The following CARD14 variants were observed in gnomAD, a reference collection of about 807,000 sequenced individuals.
CARD14 encodes caspase recruitment domain-containing protein 14.
CARD14 carries 107 observed loss-of-function variants against 111.5 expected under a neutral mutation model. That is an observed-to-expected ratio of 0.96 (90% confidence interval 0.82 to 1.13). The LOEUF is 1.13. Among genes scored for constraint, CARD14 ranks in the 50% most tolerant of loss-of-function variants. CARD14 has a pLI of 0.00. For missense variants in CARD14, 1,322 were observed against 1,362.3 expected, an observed-to-expected ratio of 0.97 and a Z score of 0.47; for synonymous variants, 617 against 579.6, an observed-to-expected ratio of 1.06 and a Z score of -0.93.
At position 80,195,366 on chromosome 17, in the gene CARD14, T is replaced by A; in HGVS notation, c.1499+33T>A. On this transcript the variant is annotated intron_variant, in intron 13 of 23. Transcript: ENST00000648509. The surrounding 1 kb of genome is among the most constrained non-coding windows in gnomAD (Gnocchi z 4.7). ...ACTGGGGTCCTTCCTGGCACTGGGG[T>A]GGCACTGGGGTCCTTCCTGGCAACT... The A allele has an allele frequency of 6.3e-7, 1 of 1,590,048 alleles. No individual in the cohort carries two copies. The highest frequency in any genetic ancestry group is 1.1e-5 in the South Asian group (1 of 89,178).
At chr17:80,190,046 T>C (rs1237153581) in intron 9 of CARD14, among the ~76,000 whole-genome samples, 174 bp downstream of exon 9, 1 of 152,072 alleles carries the variant, frequency 6.6e-6, no homozygotes, top group African/African-American at 2.4e-5. Flanking sequence ...AAGCACCGAC[T>C]CGCACCCCAC....
In CARD14 at chr17:80,190,754, A is replaced by T. The variant is rs780858822; in HGVS notation, c.964-20A>T. The T allele has an allele frequency of 1.9e-6, 3 of 1,613,594 alleles. No individual in the cohort carries two copies. Among genetic ancestry groups the T allele is most frequent in the Non-Finnish European group, 1.7e-6 (2 of 1,179,808 alleles). Reference sequence around the variant, plus strand: ...TCAGAGCTGCTGAGCTTCACGGTCCATGTGTCCCACTCTGTCCAGTACTGG... The same window carrying T: ...TCAGAGCTGCTGAGCTTCACGGTCCTTGTGTCCCACTCTGTCCAGTACTGG... On this transcript the variant is annotated intron_variant, in intron 9 of 23. Transcript: ENST00000648509.
rs143034084 is a variant in CARD14, at chr17:80,170,999, C to T, written c.-690+943C>T. ...GGGACTATAGGTGCACGCCACCACACCTGGTTAATTTTTTTATTTTTAGTA... is the reference window on the plus strand; with the variant it reads ...GGGACTATAGGTGCACGCCACCACATCTGGTTAATTTTTTTATTTTTAGTA... On this transcript the variant is annotated intron_variant, in intron 1 of 23. Transcript: ENST00000648509. 6.0e-3 allele frequency among the ~76,000 whole-genome samples: 909 copies of T among 151,222 alleles called. 9 individuals carry two copies. The highest frequency in any genetic ancestry group is 6.6e-3 in the Non-Finnish European group (445 of 67,600).
rs1460911175 is a variant in CARD14, at chr17:80,184,076, C to T, written c.513C>T (p.His171=). Residue 171 remains histidine (H), a synonymous_variant, in exon 7 of 24, where the codon CAC becomes CAT. Transcript: ENST00000648509. The part of the protein sequence containing the change: ...GLAETRAEGL[H]QLEADHSRMK... ...CCGAGACCCGTGCCGAGGGCCTGCA[C>T]CAGCTGGAGGCTGACCACAGCCGCA... The T allele has an allele frequency of 6.3e-7, 1 of 1,585,532 alleles. No individual in the cohort carries two copies. The highest frequency in any genetic ancestry group is 1.1e-5 in the South Asian group (1 of 86,964).
At position 80,198,942 on chromosome 17, in the gene CARD14, TTTC is replaced by T. The variant is rs1311636163; in HGVS notation, c.1851+354_1851+356del. On this transcript the variant is annotated intron_variant, in intron 16 of 23. Coordinates refer to ENST00000648509, the MANE Select transcript of CARD14 (RefSeq NM_001366385.1). This position sits in a 1 kb window ranked among gnomAD's most constrained non-coding sequence, Gnocchi z 7.5. ...TTTAACCACTGGGGCATTTCTTTTC[TTTC>T]TTTTTTTTTGTTTGTTGTTTTGAAA... The T allele has an allele frequency of 3.5e-6, 4 of 1,138,626 alleles. No individual in the cohort carries two copies. The highest frequency in any genetic ancestry group is 1.6e-5 in the African/African-American group (1 of 61,682). The allele number at this position is 1,138,626 out of a possible 1,614,324, so 70.5% of individuals were successfully genotyped here. A position where few individuals can be genotyped will look rare whatever the true frequency, so the allele number is the denominator to read the frequency against.
In CARD14 at chr17:80,189,815, G is replaced by A. The variant is rs2040461110; in HGVS notation, c.906G>A (p.Val302=). Residue 302 remains valine, a synonymous_variant, in exon 9 of 24, where the codon GTG becomes GTA. Transcript: ENST00000648509. The surrounding 1 kb of genome is among the most constrained non-coding windows in gnomAD (Gnocchi z 4.7). The part of the protein sequence containing the change: ...DEARGSRQEL[V]ERIHSLRERA... ...CGCGGGGGAGCCGACAGGAGCTGGT[G>A]GAGCGCATCCACTCGCTGCGGGAGC... 5 of 1,585,366 alleles carry A rather than the reference G, an allele frequency of 3.2e-6. No individual in the cohort carries two copies. Among genetic ancestry groups the A allele is most frequent in the Non-Finnish European group, 4.3e-6 (5 of 1,170,580 alleles).
rs1313115913 is a variant in CARD14, at chr17:80,205,590, G to A, written c.2629G>A (p.Gly877Arg). The change falls in exon 22 of 24, where the codon GGA becomes AGA. Residue 877 changes from glycine to arginine, a missense_variant. Transcript: ENST00000648509. ...WSQRGDIIQE[G>R]EVSGGRCWVT... ...CCAGAGAGGGGACATCATCCAGGAG[G>A]GAGAGGTGTCCGGGGGCCGCTGCTG... is the stretch of plus-strand genomic sequence containing the variant. 1.9e-6 allele frequency: 3 copies of A among 1,575,518 alleles called. No homozygotes were observed. The highest frequency in any genetic ancestry group is 1.3e-5 in the African/African-American group (1 of 74,314).
Position 80,188,657 on chromosome 17 carries a change from G to A in CARD14, c.843+113G>A. Reference sequence around the variant, plus strand: ...TAAGGTGAGGCTAAGAACAAGAGATGAAATTTAGTGACTCATCTCACCCAC... The same window carrying A: ...TAAGGTGAGGCTAAGAACAAGAGATAAAATTTAGTGACTCATCTCACCCAC... On this transcript the variant is annotated intron_variant, in intron 8 of 23. Transcript: ENST00000648509. This position sits in a 1 kb window ranked among gnomAD's most constrained non-coding sequence, Gnocchi z 4.5. 3 of 1,105,442 alleles carry A rather than the reference G, an allele frequency of 2.7e-6. No homozygotes were observed. In the African/African-American group the frequency reaches 4.9e-5, roughly 18 times the overall value. 68.5% of individuals were successfully genotyped at this position (1,105,442 alleles called of 1,614,324 possible).
At position 80,188,172 on chromosome 17, in the gene CARD14, C is replaced by A; in HGVS notation, c.676-205C>A. 1.9e-6 allele frequency: 1 copy of A among 534,010 alleles called. No homozygotes were observed. Among genetic ancestry groups the A allele is most frequent in the Non-Finnish European group, 2.9e-6 (1 of 342,508 alleles). 33.1% of individuals were successfully genotyped at this position (534,010 alleles called of 1,614,324 possible). On this transcript the variant is annotated intron_variant, in intron 7 of 23. Transcript: ENST00000648509. The surrounding 1 kb of genome is among the most constrained non-coding windows in gnomAD (Gnocchi z 4.5). ...GCGGTGCCTCATCTATAAGACAGAGCTGAAAGGCCTCTGTCCTCCCAGCCC... is the reference window on the plus strand; with the variant it reads ...GCGGTGCCTCATCTATAAGACAGAGATGAAAGGCCTCTGTCCTCCCAGCCC...
Position 80,201,657 on chromosome 17 carries a change from T to C in CARD14, c.1852-87T>C. ...TCCTACGGCAGGGCTGGCCCGCGCC[T>C]CGCCTCAGTGCCCTCAGCGCCTTCT... On this transcript the variant is annotated intron_variant, in intron 16 of 23. Coordinates refer to ENST00000648509, the MANE Select transcript of CARD14 (RefSeq NM_001366385.1). The surrounding 1 kb of genome is among the most constrained non-coding windows in gnomAD (Gnocchi z 5.0). 2 of 1,464,828 alleles carry C rather than the reference T, an allele frequency of 1.4e-6. No homozygotes were observed. The highest frequency in any genetic ancestry group is 2.3e-5 in the East Asian group (1 of 44,138). 90.7% of individuals were successfully genotyped at this position (1,464,828 alleles called of 1,614,324 possible).
Position 80,189,864 on chromosome 17 carries a change from C to A in CARD14, c.955C>A (p.Arg319=). 1 of 1,593,596 alleles carries A rather than the reference C, an allele frequency of 6.3e-7. No individual in the cohort carries two copies. Among genetic ancestry groups the A allele is most frequent in the East Asian group, 2.4e-5 (1 of 42,546 alleles). The change falls in exon 9 of 24, where the codon CGA becomes AGA. Residue 319 remains arginine (R), a synonymous_variant. Coordinates refer to ENST00000648509, the MANE Select transcript of CARD14 (RefSeq NM_001366385.1). The surrounding 1 kb of genome is among the most constrained non-coding windows in gnomAD (Gnocchi z 4.7). ...GCGGGCCGTGGCTGCCGAGAGGCAG[C>A]GAGAGCAGGTGCCGTGTGAGCCCTT... The part of the protein sequence containing the change: ...RERAVAAERQ[R]EQYWEEKEQT...
rs1235934536 is a variant in CARD14 at position 80,201,892 on chromosome 17, T to C, written c.1978+22T>C. ...GACGGTACACATACCACTCCTCTCG[T>C]GTGCACAGCTGCCTGGCCAGACTCC... On this transcript the variant is annotated intron_variant, in intron 17 of 23. Transcript: ENST00000648509. The surrounding 1 kb of genome is among the most constrained non-coding windows in gnomAD (Gnocchi z 5.0). 2 of 1,592,208 alleles carry C rather than the reference T, an allele frequency of 1.3e-6. No individual in the cohort carries two copies. Among genetic ancestry groups the C allele is most frequent in the Non-Finnish European group, 1.7e-6 (2 of 1,167,394 alleles).
intron 2 of CARD14, among the ~76,000 whole-genome samples, chr17:80,178,261 A>G (rs1210761481): frequency 1.3e-5 from 2 of 151,790 alleles, no homozygotes; most frequent in Non-Finnish European, 2.9e-5. Context: ...GCGCCTGTCA[A>G]CTCTCCTTGG....
intron 1 of CARD14, among the ~76,000 whole-genome samples, chr17:80,172,611 C>T (rs966036038): frequency 1.6e-4 from 24 of 152,114 alleles, no homozygotes; most frequent in African/African-American, 4.1e-4. Context: ...TCGGCGTCGG[C>T]GTGCCTTCGC....
In CARD14 at chr17:80,188,428, G is replaced by A. The variant is rs1175156958; in HGVS notation, c.727G>A (p.Glu243Lys). The part of the protein sequence containing the change: ...LQRANMVSSC[E>K]LELQEQSLRT... ...GCGAGCCAACATGGTTTCCTCCTGT[G>A]AGCTGGAATTGCAAGAGCAGTCCCT... The change falls in exon 8 of 24, where the codon GAG becomes AAG. Residue 243 changes from glutamate (E) to lysine (K), a missense_variant. Coordinates refer to ENST00000648509, the MANE Select transcript of CARD14 (RefSeq NM_001366385.1). The surrounding 1 kb of genome is among the most constrained non-coding windows in gnomAD (Gnocchi z 4.5). The A allele has an allele frequency of 4.3e-6, 7 of 1,610,610 alleles. No homozygotes were observed. The highest frequency in any genetic ancestry group is 3.3e-5 in the South Asian group (3 of 90,334).
rs11658460 is a variant in CARD14 at position 80,192,586 on chromosome 17, C to T, written c.1323C>T (p.Asp441=). The part of the protein sequence containing the change: ...LVRMHAICPR[D]DSDCSLVSST... The stretch of plus-strand genomic sequence containing the variant: ...GGATGCATGCCATCTGCCCCAGAGA[C>T]GACAGCGACTGCAGCCTCGTCAGCT... The change falls in exon 12 of 24, where the codon GAC becomes GAT. Residue 441 remains aspartate, a synonymous_variant. Coordinates refer to ENST00000648509, the MANE Select transcript of CARD14 (RefSeq NM_001366385.1). 163,545 of 1,612,770 alleles carry T rather than the reference C, an allele frequency of 0.1. 9,156 individuals carry two copies. The highest frequency in any genetic ancestry group is 0.18 in the East Asian group (8,075 of 44,850).
rs760484322 is a variant in CARD14, at chr17:80,205,142, G to A, written c.2506G>A (p.Ala836Thr). 1.2e-6 allele frequency: 2 copies of A among 1,613,822 alleles called. No individual in the cohort carries two copies. The highest frequency in any genetic ancestry group is 8.5e-7 in the Non-Finnish European group (1 of 1,179,966). ...RPRPVLLVPRAVGKILSEKLC... is the reference protein window; with the variant it reads ...RPRPVLLVPRTVGKILSEKLC... Reference sequence around the variant, plus strand: ...CCGGCCTGTGCTCCTCGTGCCCAGGGCGGTTGGGAAGATCCTGAGCGAGAA... The same window carrying A: ...CCGGCCTGTGCTCCTCGTGCCCAGGACGGTTGGGAAGATCCTGAGCGAGAA... Residue 836 changes from alanine to threonine, a missense_variant, in exon 21 of 24, where the codon GCG becomes ACG. Coordinates refer to ENST00000648509, the MANE Select transcript of CARD14 (RefSeq NM_001366385.1).
chr17:80,181,011 C>G (rs1259003023), intron 4 of CARD14, among the ~76,000 whole-genome samples: 1 of 152,084 alleles, frequency 6.6e-6, no homozygotes, highest in East Asian at 1.9e-4. Flanking sequence ...AATCCTTCCC[C>G]CTTCGCCTCT....
At position 80,198,366 on chromosome 17, in the gene CARD14, C is replaced by A; in HGVS notation, c.1659-33C>A. The A allele has an allele frequency of 6.3e-7, 1 of 1,576,432 alleles. No homozygotes were observed. Reference sequence around the variant, plus strand: ...GCCTTGCCGGCTCTCCTGCTCTGGGCAGTGCACAAGCCGGTCGTCTCCCGG... The same window carrying A: ...GCCTTGCCGGCTCTCCTGCTCTGGGAAGTGCACAAGCCGGTCGTCTCCCGG... On this transcript the variant is annotated intron_variant, in intron 15 of 23. Coordinates refer to ENST00000648509, the MANE Select transcript of CARD14 (RefSeq NM_001366385.1). This position sits in a 1 kb window ranked among gnomAD's most constrained non-coding sequence, Gnocchi z 7.5.
Sources: allele counts gnomAD v4.1 joint callset (sites outside exome capture counted in the v4.1 genomes callset), GRCh38; gene constraint gnomAD v4.1.1; non-coding constraint Gnocchi (gnomAD v3.1); transcripts MANE v1.5; gene names NCBI Gene and HGNC (gene_info 2026-07-23, HGNC 2026-07-21).